MSI2: variants seen among roughly 807,000 people sequenced by gnomAD.
MSI2 encodes the protein musashi RNA binding protein 2.
In MSI2, 17 loss-of-function variants were observed where a neutral mutation model predicts 45.6. The ratio of observed to expected loss-of-function variants is 0.37; its 90% CI spans 0.26 to 0.56. The LOEUF is 0.56. Among genes scored for constraint, MSI2 ranks in the 20% least tolerant of loss-of-function variants. The probability of loss-of-function intolerance (pLI) is 0.77; values close to 1 mark genes in which losing one functional copy is unlikely to be tolerated. For missense variants in MSI2, 293 were observed against 444.2 expected, an observed-to-expected ratio of 0.66 and a Z score of 3.06; for synonymous variants, 156 against 158.2, an observed-to-expected ratio of 0.99 and a Z score of 0.11.
intron 6 of MSI2, among the ~76,000 whole-genome samples, chr17:57,487,549 G>A (rs2085780310): frequency 6.6e-6 from 1 of 152,080 alleles, no homozygotes; most frequent in Non-Finnish European, 1.5e-5. Context: ...CTGCCAGAGG[G>A]ATGGTTTTAA....
At chr17:57,309,787 G>A (rs973582321) in intron 5 of MSI2, among the ~76,000 whole-genome samples, 6 of 152,112 alleles carry the variant, frequency 3.9e-5, no homozygotes, top group Admixed American at 1.3e-4. Flanking sequence ...CTCAATGGAT[G>A]ACACAGCCAG....
At chr17:57,642,134 G>A (rs1164388045) in intron 10 of MSI2, among the ~76,000 whole-genome samples, 1 of 152,218 alleles carries the variant, frequency 6.6e-6, no homozygotes, top group African/African-American at 2.4e-5. Flanking sequence ...TCTGTCCCCT[G>A]CCTCCACCTC....
chr17:57,525,131 C>T (rs1287443405), intron 6 of MSI2, among the ~76,000 whole-genome samples: 1 of 152,222 alleles, frequency 6.6e-6, no homozygotes, highest in Non-Finnish European at 1.5e-5. Flanking sequence ...TGTTGACTCT[C>T]ACATACTTCT....
At chr17:57,495,361 C>T (rs1478119396) in intron 6 of MSI2, among the ~76,000 whole-genome samples, 1 of 151,726 alleles carries the variant, frequency 6.6e-6, no homozygotes, top group Non-Finnish European at 1.5e-5. Flanking sequence ...AGTGAAACCC[C>T]GTCTCTACTA....
At chr17:57,317,565 C>CAG (rs1912957633) in intron 5 of MSI2, among the ~76,000 whole-genome samples, 1 of 131,048 alleles carries the variant, frequency 7.6e-6, no homozygotes, top group African/African-American at 3.0e-5. Flanking sequence ...GGCTGGAATG[C>CAG]AGTAGCATGA....
At chr17:57,608,944 G>GA (rs1250027164) in intron 8 of MSI2, among the ~76,000 whole-genome samples, 1 of 152,152 alleles carries the variant, frequency 6.6e-6, no homozygotes, top group Non-Finnish European at 1.5e-5. Context: ...TGACCAGGAA[G>GA]AAAAAAGGCT....
chr17:57,695,056 C>T, the MSI2 span, among the ~76,000 whole-genome samples: 2 of 152,212 alleles, frequency 1.3e-5, no homozygotes, highest in African/African-American at 2.4e-5. Context: ...CAAATCACAG[C>T]ATGTCATAGC....
chr17:57,427,327 G>A (rs1447680540), intron 6 of MSI2, among the ~76,000 whole-genome samples: 1 of 152,144 alleles, frequency 6.6e-6, no homozygotes, highest in African/African-American at 2.4e-5. Context: ...GAACCTAGGA[G>A]GTGGAGGTTG....
intron 6 of MSI2, among the ~76,000 whole-genome samples, chr17:57,511,356 A>G (rs2086350697): frequency 1.3e-5 from 2 of 152,308 alleles, no homozygotes; most frequent in Middle Eastern, 3.4e-3. Flanking sequence ...ACCCGCTCAA[A>G]TATATTGAGT....
At chr17:57,285,477 T>A (rs1203010479) in intron 5 of MSI2, among the ~76,000 whole-genome samples, 1 of 152,224 alleles carries the variant, frequency 6.6e-6, no homozygotes, top group African/African-American at 2.4e-5. Flanking sequence ...TGTCTCAGCG[T>A]TCGCTGGTAT....
At chr17:57,322,579 C>A (rs1274184200) in intron 5 of MSI2, among the ~76,000 whole-genome samples, 3 of 152,068 alleles carry the variant, frequency 2.0e-5, no homozygotes, top group African/African-American at 7.2e-5. Flanking sequence ...ATAAATCAAC[C>A]CTTAATCGAA....
chr17:57,667,039 G>T (rs531721457), intron 11 of MSI2, among the ~76,000 whole-genome samples: 3 of 152,274 alleles, frequency 2.0e-5, no homozygotes, highest in South Asian at 4.2e-4. Flanking sequence ...TGGGAGGGCT[G>T]GATGAGGAAG....
chr17:57,521,850 G>A (rs2086592473), intron 6 of MSI2, among the ~76,000 whole-genome samples: 1 of 152,148 alleles, frequency 6.6e-6, no homozygotes, highest in Non-Finnish European at 1.5e-5. Context: ...AATCACTGAT[G>A]TAGATTTCAG....
At chr17:57,592,457 G>A (rs1332587200) in intron 7 of MSI2, among the ~76,000 whole-genome samples, 1 of 152,138 alleles carries the variant, frequency 6.6e-6, no homozygotes, top group Non-Finnish European at 1.5e-5. Context: ...TAAGTGTTCT[G>A]TTGCTTCTTT....
intron 6 of MSI2, among the ~76,000 whole-genome samples, chr17:57,483,480 G>A (rs115338936): frequency 6.6e-6 from 1 of 152,096 alleles, no homozygotes; most frequent in Non-Finnish European, 1.5e-5. Context: ...ATACGTTTTC[G>A]AGTGATGCTG....
chr17:57,571,286 A>G (rs973264353), intron 7 of MSI2, among the ~76,000 whole-genome samples: 3 of 152,158 alleles, frequency 2.0e-5, no homozygotes, highest in African/African-American at 7.2e-5. Flanking sequence ...TGGGAAGGGG[A>G]GAATCAATCC....
intron 7 of MSI2, among the ~76,000 whole-genome samples, chr17:57,540,816 A>G (rs1056241069): frequency 6.6e-6 from 1 of 152,194 alleles, no homozygotes. Flanking sequence ...CTGAGACAGA[A>G]TAAGTTTCTG....
rs1205131320 is a variant in MSI2 at position 57,627,101 on chromosome 17, A to G, written c.653-128A>G. On this transcript the variant is annotated intron_variant, in intron 9 of 13. Coordinates refer to ENST00000284073, the MANE Select transcript of MSI2 (RefSeq NM_138962.4). The surrounding 1 kb of genome is among the most constrained non-coding windows in gnomAD (Gnocchi z 4.6). ...CCAGACCCTTAATAAAAAAACCCTC[A>G]TGAGAGACAAATTATTCTGTGAAGG... is the stretch of plus-strand genomic sequence containing the variant. The G allele has an allele frequency of 2.3e-6, 2 of 883,872 alleles. No homozygotes were observed. Among genetic ancestry groups the G allele is most frequent in the African/African-American group, 3.3e-5 (2 of 60,536 alleles). The allele number at this position is 883,872 out of a possible 1,614,324, so 54.8% of individuals were successfully genotyped here. A position where few individuals can be genotyped will look rare whatever the true frequency, so the allele number is the denominator to read the frequency against.
intron 5 of MSI2, chr17:57,274,118 C>G (rs986642771): frequency 6.6e-6 from 1 of 152,218 alleles, no homozygotes. Flanking sequence ...TTGTGAATGA[C>G]GTGATGCCAC....
Sources: allele counts gnomAD v4.1 joint callset (sites outside exome capture counted in the v4.1 genomes callset), GRCh38; gene constraint gnomAD v4.1.1; non-coding constraint Gnocchi (gnomAD v3.1); transcripts MANE v1.5; gene names NCBI Gene and HGNC (gene_info 2026-07-23, HGNC 2026-07-21).